FAM210A: variants seen among roughly 807,000 people sequenced by gnomAD.
FAM210A encodes the protein family with sequence similarity 210 member A.
A neutral mutation model predicts 25.3 loss-of-function variants in FAM210A; 13 were observed. The observed-to-expected ratio is 0.51, with a 90% CI of 0.33 to 0.82. The LOEUF is 0.82. Ranked by LOEUF, FAM210A falls within the 40% of genes least tolerant of loss-of-function variation. FAM210A has a pLI of 0.02. For missense variants in FAM210A, 319 were observed against 323.2 expected (o/e 0.99, Z 0.10); for synonymous variants, 125 against 118.7 (o/e 1.05, Z -0.35).
intron 1 of FAM210A, among the ~76,000 whole-genome samples, chr18:13,690,013 G>C (rs2043629617): frequency 6.6e-6 from 1 of 152,234 alleles, no homozygotes; most frequent in Non-Finnish European, 1.5e-5. Context: ...CTAGCAAAGG[G>C]AAGCCGTGAC....
Position 13,681,751 on chromosome 18 carries a change from CT to C in FAM210A, c.326del (p.Lys109ArgfsTer29). ...TGTCTTGCAAAGGATCAGGCTCTTC[CT>C]TTTTTTCCGGAGTTCCCTGAGCTGT... is the stretch of plus-strand genomic sequence containing the variant. ...SATAQGTPEK[K>X]EEPDPLQDKS... On this transcript the variant is annotated frameshift_variant, in exon 2 of 4. Transcript: ENST00000651643. LOFTEE classifies it high-confidence loss of function. 1 of 1,614,102 alleles carries C rather than the reference CT, an allele frequency of 6.2e-7. No homozygotes were observed. Among genetic ancestry groups the C allele is most frequent in the Non-Finnish European group, 8.5e-7 (1 of 1,180,016 alleles).
intron 1 of FAM210A, among the ~76,000 whole-genome samples, chr18:13,701,920 T>G (rs755603637): frequency 8.5e-5 from 13 of 152,126 alleles, no homozygotes; most frequent in Non-Finnish European, 1.6e-4. Context: ...CTCTCTTGGA[T>G]AAAAAATGGG....
At position 13,722,430 on chromosome 18, in the gene FAM210A, C is replaced by A. The variant is rs530345126; in HGVS notation, c.-29+3899G>T. On this transcript the variant is annotated intron_variant, in intron 1 of 3. Transcript: ENST00000651643. Reference sequence around the variant, plus strand: ...GATTCCTGAGGAAAACCGGCAATGTCTTGCAAGGTAACTACCTCAAGGGAG... The same window carrying A: ...GATTCCTGAGGAAAACCGGCAATGTATTGCAAGGTAACTACCTCAAGGGAG... Among the ~76,000 whole-genome samples, 4 of 152,210 alleles carry A rather than the reference C, an allele frequency of 2.6e-5. No individual in the cohort carries two copies. The East Asian group carries it at 7.7e-4, about 29-fold the overall frequency.
chr18:13,720,547 T>C (rs1384163779), intron 1 of FAM210A, among the ~76,000 whole-genome samples: 1 of 152,148 alleles, frequency 6.6e-6, no homozygotes, highest in African/African-American at 2.4e-5. Flanking sequence ...CCCTGAATAT[T>C]TGTTGGATTT....
intron 1 of FAM210A, among the ~76,000 whole-genome samples, chr18:13,685,024 T>C (rs2043585086): frequency 6.6e-6 from 1 of 152,190 alleles, no homozygotes. Context: ...AAATACAACT[T>C]AACAAAATCT....
chr18:13,681,392 TTAAATAAGA>T (rs1173628101), intron 2 of FAM210A, among the ~76,000 whole-genome samples: 1 of 152,128 alleles, frequency 6.6e-6, no homozygotes, highest in Non-Finnish European at 1.5e-5. Flanking sequence ...GCTGGGAGGA[TTAAATAAGA>T]TGAAACAGTT....
At chr18:13,666,736 G>C (rs768704552) in intron 3 of FAM210A, 23 bp from the exon 4 acceptor site, 6 of 1,592,506 alleles carry the variant, frequency 3.8e-6, no homozygotes, top group Non-Finnish European at 5.1e-6. Context: ...GCAAACAGAG[G>C]CAAATCAAAA....
chr18:13,697,473 G>C (rs375439981), intron 1 of FAM210A: 1 of 172,288 alleles, frequency 5.8e-6, no homozygotes, highest in African/African-American at 2.4e-5. Context: ...CTTATTGTTG[G>C]TGGGAATGCA....
At chr18:13,725,591 G>A (rs1004982958) in intron 1 of FAM210A, among the ~76,000 whole-genome samples, 1 of 152,202 alleles carries the variant, frequency 6.6e-6, no homozygotes, top group Admixed American at 6.5e-5. Flanking sequence ...AATCTGATCA[G>A]TTTTACAACC....
chr18:13,718,145 A>G (rs2043874868), intron 1 of FAM210A, among the ~76,000 whole-genome samples: 1 of 152,208 alleles, frequency 6.6e-6, no homozygotes, highest in Non-Finnish European at 1.5e-5. Context: ...CATACTCCTG[A>G]CCCAGAAAAA....
At chr18:13,696,374 C>T (rs2043694026) in intron 1 of FAM210A, among the ~76,000 whole-genome samples, 1 of 152,110 alleles carries the variant, frequency 6.6e-6, no homozygotes, top group Non-Finnish European at 1.5e-5. Flanking sequence ...GTAAGTTGGA[C>T]TTCACTAAAA....
chr18:13,696,387 AC>A (rs2043694085), intron 1 of FAM210A, among the ~76,000 whole-genome samples: 1 of 152,248 alleles, frequency 6.6e-6, no homozygotes, highest in South Asian at 2.1e-4. Flanking sequence ...CACTAAAAAA[AC>A]ATCTACAACT....
chr18:13,683,427 C>T (rs1326539246), intron 1 of FAM210A, among the ~76,000 whole-genome samples: 2 of 152,248 alleles, frequency 1.3e-5, no homozygotes, highest in African/African-American at 4.8e-5. Context: ...TGGCGAGACA[C>T]AGTGGCTTCG....
At chr18:13,706,951 G>A (rs537165702) in intron 1 of FAM210A, among the ~76,000 whole-genome samples, 1 of 152,210 alleles carries the variant, frequency 6.6e-6, no homozygotes, top group Admixed American at 6.5e-5. Flanking sequence ...TGGGACCCTG[G>A]GTAAGAAGCA....
intron 1 of FAM210A, chr18:13,710,132 A>C (rs1026720181): frequency 6.6e-6 from 1 of 152,216 alleles, no homozygotes; most frequent in African/African-American, 2.4e-5. Context: ...AAAGGCCACA[A>C]GATTAGAATT....
At position 13,682,038 on chromosome 18, in the gene FAM210A, G is replaced by A. The variant is rs552796973; in HGVS notation, c.40C>T (p.Arg14Cys). ...TTATGTGGTTCCAAGCATGTCCTGC[G>A]TGCCAGTCGAGATACAGTCCGTGGT... ...NVPRTVSRLARRTCLEPHNAG... is the reference protein window; with the variant it reads ...NVPRTVSRLACRTCLEPHNAG... The change falls in exon 2 of 4, where the codon CGC becomes TGC. Residue 14 changes from arginine to cysteine, a missense_variant. By Grantham distance (180) the Arg-to-Cys change is radical. Transcript: ENST00000651643. The A allele has an allele frequency of 1.3e-5, 21 of 1,611,232 alleles. No homozygotes were observed. Among genetic ancestry groups the A allele is most frequent in the East Asian group, 1.1e-4 (5 of 44,860 alleles).
At chr18:13,721,774 C>CTA (rs1198576141) in intron 1 of FAM210A, among the ~76,000 whole-genome samples, 1 of 152,142 alleles carries the variant, frequency 6.6e-6, no homozygotes, top group Non-Finnish European at 1.5e-5. Context: ...CAACAAGTCC[C>CTA]TACTCTGAAT....
At chr18:13,686,042 A>G in intron 1 of FAM210A, among the ~76,000 whole-genome samples, 1 of 152,210 alleles carries the variant, frequency 6.6e-6, no homozygotes, top group Non-Finnish European at 1.5e-5. Flanking sequence ...TGGGGAAAAA[A>G]TGAATAAAAT....
chr18:13,671,392 T>A (rs1250169589), intron 3 of FAM210A, among the ~76,000 whole-genome samples: 5 of 152,142 alleles, frequency 3.3e-5, no homozygotes, highest in Admixed American at 1.3e-4. Flanking sequence ...ATACTTAAAA[T>A]AATTATATCT....
Sources: allele counts gnomAD v4.1 joint callset (sites outside exome capture counted in the v4.1 genomes callset), GRCh38; gene constraint gnomAD v4.1.1; transcripts MANE v1.5; gene names NCBI Gene and HGNC (gene_info 2026-07-23, HGNC 2026-07-21).